Variants in DMD observed in about 807,000 individuals in gnomAD.
The protein encoded by DMD is mutant dystrophin.
A neutral mutation model predicts 330.1 loss-of-function variants in DMD; 63 were observed. The ratio of observed to expected loss-of-function variants is 0.19; its 90% CI spans 0.16 to 0.24. The LOEUF (loss-of-function observed/expected upper bound fraction) is 0.24, where lower values mean the gene tolerates loss of function less well. Among genes scored for constraint, DMD ranks in the 10% least tolerant of loss-of-function variants. The pLI, the probability that DMD is intolerant of heterozygous loss-of-function variation, is 1.00. For missense variants in DMD, 3,344 were observed against 2,684.1 expected (o/e 1.25, Z -5.43); for synonymous variants, 1,223 against 959.8 (o/e 1.27, Z -5.07).
chrX:31,637,339 C>G (rs1017290359), intron 54 of DMD, among the ~76,000 whole-genome samples: 3 of 111,514 alleles, frequency 2.7e-5, no homozygotes, highest in Middle Eastern at 4.8e-3. Flanking sequence ...TTTAAAAGAC[C>G]TAGATACTTT....
intron 44 of DMD, among the ~76,000 whole-genome samples, chrX:32,132,239 G>A (rs768982593): frequency 9.0e-6 from 1 of 111,587 alleles, no homozygotes; most frequent in Non-Finnish European, 1.9e-5. Flanking sequence ...GGTCAGTAAC[G>A]GAAATGTCAC....
chrX:31,964,669 C>T (rs190681312), intron 45 of DMD, among the ~76,000 whole-genome samples: 34 of 105,354 alleles, frequency 3.2e-4, no homozygotes, highest in Non-Finnish European at 4.9e-4. Context: ...GTAGAGAAAG[C>T]GAGAGAAAAA....
At chrX:32,684,018 TACACACACACAC>T (rs369735561) in intron 9 of DMD, among the ~76,000 whole-genome samples, 13 of 70,929 alleles carry the variant, frequency 1.8e-4, no homozygotes, top group Admixed American at 7.4e-4. Flanking sequence ...CACACATACA[TACACACACACAC>T]ACACACACAC....
intron 1 of DMD, among the ~76,000 whole-genome samples, chrX:33,249,453 T>C (rs1029924805): frequency 6.3e-5 from 7 of 111,802 alleles, no homozygotes; most frequent in African/African-American, 2.3e-4. Context: ...GCCTGGCCAA[T>C]TGCTCTCATT....
intron 1 of DMD, among the ~76,000 whole-genome samples, chrX:33,111,292 A>T (rs774514965): frequency 8.9e-6 from 1 of 112,014 alleles, no homozygotes; most frequent in Non-Finnish European, 1.9e-5. Context: ...TAAGTGGCAC[A>T]TTGAAGGGAA....
intron 9 of DMD, among the ~76,000 whole-genome samples, chrX:32,679,112 A>G (rs1402158379): frequency 8.9e-6 from 1 of 111,872 alleles, no homozygotes; most frequent in Non-Finnish European, 1.9e-5. Flanking sequence ...TAATTATCTG[A>G]GTGATTAATA....
At chrX:32,539,990 G>A (rs1482953286) in intron 17 of DMD, among the ~76,000 whole-genome samples, 1 of 111,492 alleles carries the variant, frequency 9.0e-6, no homozygotes, top group African/African-American at 3.3e-5. Context: ...ATTTATGAAC[G>A]CTTTACTTGG....
chrX:31,521,527 G>A (rs10126933), intron 55 of DMD, among the ~76,000 whole-genome samples: 3,450 of 112,040 alleles, frequency 0.031, 65 homozygotes, highest in Non-Finnish European at 0.048. Flanking sequence ...TAAGAAATGA[G>A]AAATTGTAGC....
chrX:32,736,660 G>C (rs1440829515), intron 7 of DMD, among the ~76,000 whole-genome samples: 2 of 106,818 alleles, frequency 1.9e-5, no homozygotes, highest in African/African-American at 3.5e-5. Context: ...GTAAACTATC[G>C]CAAGAACAAA....
At chrX:32,357,660 TACACACACAC>T (rs3044986) in intron 37 of DMD, among the ~76,000 whole-genome samples, 8,912 of 94,719 alleles carry the variant, frequency 0.094, 891 homozygotes, top group African/African-American at 0.3. Context: ...CATACACAGA[TACACACACAC>T]ACACACACAC....
At chrX:32,347,736 G>A in intron 38 of DMD, among the ~76,000 whole-genome samples, 1 of 111,201 alleles carries the variant, frequency 9.0e-6, no homozygotes, top group Non-Finnish European at 1.9e-5. Flanking sequence ...AAAGGAGGAT[G>A]AAGAGAGAAA....
At chrX:32,470,590 G>A (rs924011249) in intron 22 of DMD, among the ~76,000 whole-genome samples, 2 of 110,156 alleles carry the variant, frequency 1.8e-5, no homozygotes, top group East Asian at 2.8e-4. Flanking sequence ...TCTTATTCTT[G>A]CACATTTTTA....
chrX:31,518,989 A>G (rs983980731), intron 55 of DMD, among the ~76,000 whole-genome samples: 1 of 111,795 alleles, frequency 8.9e-6, no homozygotes, highest in Non-Finnish European at 1.9e-5. Flanking sequence ...TCATTAAGGC[A>G]TCTGTGAGAT....
intron 11 of DMD, among the ~76,000 whole-genome samples, chrX:32,629,714 T>C (rs1272549358): frequency 1.8e-5 from 2 of 110,051 alleles, no homozygotes; most frequent in Non-Finnish European, 3.8e-5. Flanking sequence ...GTGGTAACTA[T>C]GAGGTTTGTA....
chrX:31,573,167 A>G (rs775308477), intron 55 of DMD, among the ~76,000 whole-genome samples: 55 of 111,878 alleles, frequency 4.9e-4, no homozygotes, highest in African/African-American at 1.7e-3. Context: ...CTCTCTCTGT[A>G]AGCTAGAATT....
chrX:31,822,654 GTGTGTGTGTGTGTGT>G (rs1180291353), intron 49 of DMD, among the ~76,000 whole-genome samples: 1 of 8,851 alleles, frequency 1.1e-4, no homozygotes, highest in African/African-American at 5.0e-4. Flanking sequence ...AGGCAGAGGG[GTGTGTGTGTGTGTGT>G]GTGTGTGTGT....
intron 60 of DMD, among the ~76,000 whole-genome samples, chrX:31,415,308 A>T (rs746947050): frequency 8.9e-6 from 1 of 112,669 alleles, no homozygotes; most frequent in East Asian, 2.8e-4. Flanking sequence ...TGATTCTGAC[A>T]GTTGTCCTTT....
At chrX:31,129,638 G>C (rs1359333123) in intron 77 of DMD, among the ~76,000 whole-genome samples, 2 of 112,012 alleles carry the variant, frequency 1.8e-5, no homozygotes, top group Non-Finnish European at 3.8e-5. Context: ...AAATGAATGG[G>C]TATGGCTGTG....
chrX:31,543,497 G>A (rs952002386), intron 55 of DMD, among the ~76,000 whole-genome samples: 2 of 111,769 alleles, frequency 1.8e-5, no homozygotes, highest in African/African-American at 6.5e-5. Context: ...ATAATTATGT[G>A]GGTGTCACCC....
Sources: gnomAD v4.1 joint callset for allele counts (sites outside exome capture counted in the v4.1 genomes callset) on GRCh38, gnomAD v4.1.1 for gene constraint, MANE v1.5 for transcripts, NCBI Gene and HGNC (gene_info 2026-07-23, HGNC 2026-07-21) for gene names.